The following GPHN variants were observed in gnomAD, a reference collection of about 807,000 sequenced individuals.
GPHN encodes the protein gephyrin.
In GPHN, 17 loss-of-function variants were observed where a neutral mutation model predicts 95.5. The ratio of observed to expected loss-of-function variants is 0.18; its 90% CI spans 0.12 to 0.27. The LOEUF is 0.27. Among genes scored for constraint, GPHN ranks in the 10% least tolerant of loss-of-function variants. GPHN has a pLI of 1.00. For synonymous variants in GPHN, 320 were observed against 322.5 expected, an observed-to-expected ratio of 0.99 and a Z score of 0.08; for missense variants, 660 against 978.1, an observed-to-expected ratio of 0.67 and a Z score of 4.34.
chr14:67,214,641 C>T, the GPHN span, among the ~76,000 whole-genome samples: 11 of 151,792 alleles, frequency 7.2e-5, no homozygotes, highest in Admixed American at 1.3e-4. Context: ...ATTGACTTGG[C>T]GATGCGGGCT....
the GPHN span, chr14:67,575,535 T>A: frequency 9.5e-7 from 1 of 1,057,970 alleles, no homozygotes; most frequent in Non-Finnish European, 1.4e-6. Flanking sequence ...TGACTGCCAC[T>A]CTATGTCCTG....
At chr14:66,780,359 A>G (rs2059561542) in intron 3 of GPHN, among the ~76,000 whole-genome samples, 1 of 152,174 alleles carries the variant, frequency 6.6e-6, no homozygotes, top group Non-Finnish European at 1.5e-5. Flanking sequence ...AGTGAATGGA[A>G]TCTCACGGAA....
chr14:67,318,911 A>C, the GPHN span, among the ~76,000 whole-genome samples: 1 of 152,120 alleles, frequency 6.6e-6, no homozygotes, highest in South Asian at 2.1e-4. Context: ...ACAAAAAATT[A>C]GCCAGGCGTG....
At chr14:67,580,869 C>A in the GPHN span, 1 of 1,010,506 alleles carries the variant, frequency 9.9e-7, no homozygotes, top group Non-Finnish European at 1.6e-6. Context: ...GAGTCCAGCC[C>A]TGGCTGGACC....
intron 4 of GPHN, among the ~76,000 whole-genome samples, chr14:66,834,137 C>A (rs1269784481): frequency 6.6e-6 from 1 of 152,100 alleles, no homozygotes; most frequent in Non-Finnish European, 1.5e-5. Context: ...CTTGGCTGTG[C>A]TCAAAAGAAG....
At chr14:67,176,286 AG>A (rs1324725966) in intron 21 of GPHN, among the ~76,000 whole-genome samples, 2 of 152,148 alleles carry the variant, frequency 1.3e-5, no homozygotes, top group Non-Finnish European at 2.9e-5. Context: ...TTTAGCATGA[AG>A]GGCTGTTGAG....
At chr14:66,538,161 T>G (rs1165928318) in intron 1 of GPHN, among the ~76,000 whole-genome samples, 2 of 152,194 alleles carry the variant, frequency 1.3e-5, no homozygotes. Flanking sequence ...GCACTTCAGA[T>G]ATGTAATTCC....
chr14:66,610,909 C>T (rs567498760), intron 1 of GPHN, among the ~76,000 whole-genome samples: 2 of 152,032 alleles, frequency 1.3e-5, no homozygotes, highest in Non-Finnish European at 2.9e-5. Flanking sequence ...CAGACATCTC[C>T]TGGGGATGGT....
chr14:67,147,170 A>G (rs547302066), intron 18 of GPHN, among the ~76,000 whole-genome samples: 2 of 152,376 alleles, frequency 1.3e-5, no homozygotes, highest in African/African-American at 4.8e-5. Context: ...TCCTGAAGCC[A>G]TCAGCTTTGA....
At chr14:66,624,096 A>G (rs895621252) in intron 1 of GPHN, among the ~76,000 whole-genome samples, 1 of 152,084 alleles carries the variant, frequency 6.6e-6, no homozygotes, top group Non-Finnish European at 1.5e-5. Context: ...CAGCCTGGAG[A>G]TATTACAGGC....
At chr14:67,430,357 G>A in the GPHN span, among the ~76,000 whole-genome samples, 1 of 152,204 alleles carries the variant, frequency 6.6e-6, no homozygotes, top group Non-Finnish European at 1.5e-5. Flanking sequence ...GAAGGATCCA[G>A]GCCTAGGGGA....
chr14:67,436,599 G>A, the GPHN span, among the ~76,000 whole-genome samples: 5 of 152,262 alleles, frequency 3.3e-5, no homozygotes, highest in Middle Eastern at 3.4e-3. Context: ...CTGTTAGTCT[G>A]CTCCCAGCCT....
At chr14:66,568,287 A>G (rs1172892672) in intron 1 of GPHN, among the ~76,000 whole-genome samples, 1 of 152,168 alleles carries the variant, frequency 6.6e-6, no homozygotes, top group Non-Finnish European at 1.5e-5. Context: ...ACATTAATAC[A>G]AATGTTCAGA....
At chr14:67,359,604 C>T in the GPHN span, 1 of 1,604,796 alleles carries the variant, frequency 6.2e-7, no homozygotes, top group Non-Finnish European at 8.5e-7. Flanking sequence ...CTGAAGGGAC[C>T]GCGCTCCGGG....
the GPHN span, among the ~76,000 whole-genome samples, chr14:67,721,775 T>C: frequency 1.2e-4 from 18 of 150,138 alleles, no homozygotes; most frequent in South Asian, 2.3e-3. Context: ...GTATAACACA[T>C]ATATATATAA....
chr14:67,708,282 T>C, the GPHN span, among the ~76,000 whole-genome samples: 1 of 152,248 alleles, frequency 6.6e-6, no homozygotes, highest in Non-Finnish European at 1.5e-5. Flanking sequence ...TTTAGTCTTC[T>C]ATCAGTTTAG....
chr14:66,534,602 A>C (rs1001104516), intron 1 of GPHN, among the ~76,000 whole-genome samples: 1 of 152,112 alleles, frequency 6.6e-6, no homozygotes, highest in Non-Finnish European at 1.5e-5. Flanking sequence ...TTTCATTTTT[A>C]AGAGTATAAT....
At chr14:66,960,269 C>CTTTTT (rs1296380071) in intron 8 of GPHN, among the ~76,000 whole-genome samples, 1 of 133,986 alleles carries the variant, frequency 7.5e-6, no homozygotes, top group Non-Finnish European at 1.5e-5. Context: ...CCGTTCATTT[C>CTTTTT]TTTTTTCTTT....
intron 8 of GPHN, among the ~76,000 whole-genome samples, chr14:66,947,196 A>G (rs1366523475): frequency 2.0e-5 from 3 of 152,010 alleles, no homozygotes; most frequent in African/African-American, 7.2e-5. Flanking sequence ...TCCTCAGGGA[A>G]TTTGCTGTCC....
Sources: gnomAD v4.1 joint callset for allele counts (sites outside exome capture counted in the v4.1 genomes callset) on GRCh38, gnomAD v4.1.1 for gene constraint, MANE v1.5 for transcripts, NCBI Gene and HGNC (gene_info 2026-07-23, HGNC 2026-07-21) for gene names.